LDB2: variants seen among roughly 807,000 people sequenced by gnomAD.
The protein encoded by LDB2 is LIM domain binding 2.
LDB2 carries 12 observed loss-of-function variants against 44.3 expected under a neutral mutation model. The ratio of observed to expected loss-of-function variants is 0.27; its 90% CI spans 0.17 to 0.44. The LOEUF (loss-of-function observed/expected upper bound fraction) is 0.44. Ranked by LOEUF, LDB2 falls within the 20% of genes least tolerant of loss-of-function variation. The pLI, the probability that LDB2 is intolerant of heterozygous loss-of-function variation, is 1.00. For missense variants in LDB2, 344 were observed against 473.5 expected, an observed-to-expected ratio of 0.73 and a Z score of 2.54; for synonymous variants, 164 against 174.8, an observed-to-expected ratio of 0.94 and a Z score of 0.49.
At chr4:16,821,967 TAACAA>T (rs1458777872) in intron 1 of LDB2, among the ~76,000 whole-genome samples, 3 of 152,098 alleles carry the variant, frequency 2.0e-5, no homozygotes, top group African/African-American at 7.2e-5. Flanking sequence ...TTTTTCCACC[TAACAA>T]ATTTCCCAAG....
intron 7 of LDB2, chr4:16,506,003 A>G: frequency 6.5e-7 from 1 of 1,550,214 alleles, no homozygotes; most frequent in South Asian, 1.2e-5. Context: ...AGTGAGAAGC[A>G]GAATCCAAGG....
chr4:16,874,346 C>A (rs1386971496), intron 1 of LDB2, among the ~76,000 whole-genome samples: 1 of 152,078 alleles, frequency 6.6e-6, no homozygotes, highest in Non-Finnish European at 1.5e-5. Flanking sequence ...TCTATAAGTT[C>A]ATTAATTCTA....
chr4:16,803,804 C>T (rs575709220), intron 1 of LDB2, among the ~76,000 whole-genome samples: 126 of 152,292 alleles, frequency 8.3e-4, no homozygotes, highest in African/African-American at 2.9e-3. Context: ...ATGAAGAGAA[C>T]AACTTAGCAC....
Position 16,558,714 on chromosome 4 carries a change from A to C in LDB2, c.615+27208T>G, listed in dbSNP as rs1392943120. 2.0e-5 allele frequency among the ~76,000 whole-genome samples: 3 copies of C among 152,142 alleles called. No homozygotes were observed. In the East Asian group the frequency reaches 5.8e-4, roughly 29 times the overall value. On this transcript the variant is annotated intron_variant, in intron 5 of 7. Coordinates refer to ENST00000304523, the MANE Select transcript of LDB2 (RefSeq NM_001290.5). ...AGATTCAGGAAATACAGAGAACGCC[A>C]CAAAGATACTCCTCGAGAAGAGCAA...
chr4:16,817,024 A>G (rs1188841247), intron 1 of LDB2, among the ~76,000 whole-genome samples: 3 of 152,166 alleles, frequency 2.0e-5, no homozygotes, highest in African/African-American at 7.2e-5. Context: ...TGCATCGCCA[A>G]CAAGACCATG....
chr4:16,738,475 C>A (rs145510840), intron 2 of LDB2, among the ~76,000 whole-genome samples: 5 of 152,276 alleles, frequency 3.3e-5, no homozygotes, highest in Non-Finnish European at 2.9e-5. Context: ...TTTTCTATAG[C>A]CTTCACATGA....
rs189879862 is a variant in LDB2, at chr4:16,623,529, G to A, written c.236-27654C>T. ...GGAGAATTGCTTGAGCCCGGGAGGCGGACGTTGCAGTGAGCCAAGATCATG... is the reference window on the plus strand; with the variant it reads ...GGAGAATTGCTTGAGCCCGGGAGGCAGACGTTGCAGTGAGCCAAGATCATG... On this transcript the variant is annotated intron_variant, in intron 2 of 7. Coordinates refer to ENST00000304523, the MANE Select transcript of LDB2 (RefSeq NM_001290.5). 5.5e-3 allele frequency among the ~76,000 whole-genome samples: 840 copies of A among 152,176 alleles called. 8 individuals carry two copies. Among genetic ancestry groups the A allele is most frequent in the African/African-American group, 0.02 (812 of 41,502 alleles).
intron 5 of LDB2, among the ~76,000 whole-genome samples, chr4:16,563,040 G>A (rs1476635420): frequency 6.6e-6 from 1 of 151,890 alleles, no homozygotes. Context: ...CACAGGAAGG[G>A]GAACATCACA....
chr4:16,538,282 G>A (rs754264809), intron 5 of LDB2, among the ~76,000 whole-genome samples: 11 of 152,174 alleles, frequency 7.2e-5, no homozygotes, highest in African/African-American at 2.2e-4. Flanking sequence ...GACTTTGTGC[G>A]CTGTGCTGCT....
At chr4:16,869,935 T>C (rs532161202) in intron 1 of LDB2, among the ~76,000 whole-genome samples, 67 of 152,350 alleles carry the variant, frequency 4.4e-4, no homozygotes, top group Admixed American at 2.0e-3. Context: ...CCTGTTTTCC[T>C]ACTTGCAGTA....
chr4:16,768,415 A>T (rs1318846652), intron 1 of LDB2, among the ~76,000 whole-genome samples: 2 of 152,196 alleles, frequency 1.3e-5, no homozygotes, highest in Non-Finnish European at 2.9e-5. Flanking sequence ...TTTTACATGC[A>T]TCAGCTAACC....
intron 1 of LDB2, among the ~76,000 whole-genome samples, chr4:16,817,210 T>C (rs28431825): frequency 0.031 from 4,732 of 152,348 alleles, 110 homozygotes; most frequent in African/African-American, 0.069. Context: ...TCTTGAACTT[T>C]ACGACACTTA....
At chr4:16,863,907 G>A (rs1335090156) in intron 1 of LDB2, among the ~76,000 whole-genome samples, 6 of 152,016 alleles carry the variant, frequency 3.9e-5, no homozygotes, top group Non-Finnish European at 5.9e-5. Flanking sequence ...TGATCCGCCC[G>A]CCTCGGCTTC....
intron 1 of LDB2, among the ~76,000 whole-genome samples, chr4:16,801,095 C>A (rs909802534): frequency 2.0e-5 from 3 of 152,192 alleles, no homozygotes; most frequent in Non-Finnish European, 2.9e-5. Flanking sequence ...GGCAAGCTTG[C>A]CTTGGGCAGT....
chr4:16,508,508 C>T (rs9993371), intron 7 of LDB2, 27 bp downstream of exon 7: 612,638 of 1,492,746 alleles, frequency 0.41, 127,547 homozygotes, highest in Middle Eastern at 0.46. Context: ...GTTAGGATTT[C>T]GGGCCTAAGA....
chr4:16,648,788 T>C (rs1212335198), intron 2 of LDB2, among the ~76,000 whole-genome samples: 1 of 152,304 alleles, frequency 6.6e-6, no homozygotes, highest in East Asian at 1.9e-4. Context: ...CAAGTCACTC[T>C]AGTTTTTTGA....
At chr4:16,676,985 A>G (rs996656122) in intron 2 of LDB2, among the ~76,000 whole-genome samples, 3 of 152,184 alleles carry the variant, frequency 2.0e-5, no homozygotes, top group African/African-American at 7.2e-5. Flanking sequence ...ACAAGTTGAG[A>G]TTGGATTCTT....
chr4:16,690,870 G>C (rs1461833567), intron 2 of LDB2, among the ~76,000 whole-genome samples: 1 of 152,156 alleles, frequency 6.6e-6, no homozygotes, highest in Non-Finnish European at 1.5e-5. Flanking sequence ...TTTTAATACA[G>C]TTAAAATGAC....
chr4:16,817,751 T>C (rs1781218806), intron 1 of LDB2, among the ~76,000 whole-genome samples: 1 of 152,220 alleles, frequency 6.6e-6, no homozygotes, highest in Admixed American at 6.5e-5. Flanking sequence ...ATCTCCACTT[T>C]AAAGATGAGG....
Sources: allele counts gnomAD v4.1 joint callset (sites outside exome capture counted in the v4.1 genomes callset), GRCh38; gene constraint gnomAD v4.1.1; transcripts MANE v1.5; gene names NCBI Gene and HGNC (gene_info 2026-07-23, HGNC 2026-07-21).